ARSJ: variants seen among roughly 807,000 people sequenced by gnomAD.
ARSJ encodes the protein arylsulfatase family member J.
A neutral mutation model predicts 35.9 loss-of-function variants in ARSJ; 26 were observed. That is an observed-to-expected ratio of 0.72 (90% CI 0.53 to 1.00). The LOEUF is 1.00. Ranked by LOEUF, ARSJ falls within the 50% of genes least tolerant of loss-of-function variation. ARSJ has a pLI of 0.00. For synonymous variants in ARSJ, 294 were observed against 267.6 expected, an observed-to-expected ratio of 1.10 and a Z score of -0.96; for missense variants, 667 against 723.6, an observed-to-expected ratio of 0.92 and a Z score of 0.90.
Position 113,978,466 on chromosome 4 carries a change from T to C in ARSJ, c.369A>G (p.Thr123=). The change falls in exon 1 of 2, where the codon ACA becomes ACG. Residue 123 remains threonine (T), a synonymous_variant. Coordinates refer to ENST00000315366, the MANE Select transcript of ARSJ (RefSeq NM_024590.4). ...LENYYVQPIC[T]PSRSQFITGK... Reference sequence around the variant, plus strand: ...CAGTAATAAACTGACTCCTGGATGGTGTGCAAATAGGCTGGACATAGTAGT... The same window carrying C: ...CAGTAATAAACTGACTCCTGGATGGCGTGCAAATAGGCTGGACATAGTAGT... The C allele has an allele frequency of 1.2e-6, 2 of 1,612,936 alleles. No individual in the cohort carries two copies. Among genetic ancestry groups the C allele is most frequent in the Non-Finnish European group, 1.7e-6 (2 of 1,179,406 alleles).
chr4:113,954,643 A>AT (rs895742213), intron 1 of ARSJ, among the ~76,000 whole-genome samples: 22 of 152,012 alleles, frequency 1.4e-4, no homozygotes, highest in Admixed American at 1.1e-3. Flanking sequence ...TTATTATGGC[A>AT]TTTTTTTGAT....
chr4:113,953,572 A>T (rs774066863), intron 1 of ARSJ, among the ~76,000 whole-genome samples: 6 of 152,224 alleles, frequency 3.9e-5, no homozygotes, highest in Admixed American at 1.3e-4. Flanking sequence ...AATTTCCAAT[A>T]GGATTTGAAT....
chr4:113,915,576 C>G (rs1246812874), intron 1 of ARSJ, among the ~76,000 whole-genome samples: 1 of 151,922 alleles, frequency 6.6e-6, no homozygotes, highest in African/African-American at 2.4e-5. Flanking sequence ...TAGAAAAATA[C>G]CCAGAGTTTT....
At chr4:113,964,219 C>G (rs897999761) in intron 1 of ARSJ, among the ~76,000 whole-genome samples, 1 of 152,052 alleles carries the variant, frequency 6.6e-6, no homozygotes, top group Non-Finnish European at 1.5e-5. Flanking sequence ...TGCACACACT[C>G]TGAAACTGAT....
At chr4:113,964,414 C>T (rs1431008148) in intron 1 of ARSJ, among the ~76,000 whole-genome samples, 1 of 152,080 alleles carries the variant, frequency 6.6e-6, no homozygotes, top group African/African-American at 2.4e-5. Flanking sequence ...ATTCAGTTAT[C>T]AGTTGCTTTT....
chr4:113,920,082 G>A lies in ARSJ; in HGVS notation c.399-16407C>T, dbSNP rs538332615. On this transcript the variant is annotated intron_variant, in intron 1 of 1. Transcript: ENST00000315366. The stretch of plus-strand genomic sequence containing the variant: ...AGGGGACAGATTAATATTCCCTCAT[G>A]TATTTGTTGGAGTAGGACCTTAGAG... Among the ~76,000 whole-genome samples, 5 of 152,144 alleles carry A rather than the reference G, an allele frequency of 3.3e-5. No homozygotes were observed. The South Asian group carries it at 1.0e-3, about 32-fold the overall frequency.
intron 1 of ARSJ, among the ~76,000 whole-genome samples, chr4:113,975,629 AC>A (rs1364250608): frequency 6.6e-6 from 1 of 152,146 alleles, no homozygotes; most frequent in African/African-American, 2.4e-5. Context: ...CTACATCACT[AC>A]CCCTCTTAGA....
At chr4:113,953,501 T>C (rs554093724) in intron 1 of ARSJ, among the ~76,000 whole-genome samples, 1 of 152,236 alleles carries the variant, frequency 6.6e-6, no homozygotes, top group Non-Finnish European at 1.5e-5. Context: ...TTATATGTAA[T>C]GGATACAAAC....
chr4:113,921,117 A>ACACACT (rs70961862), intron 1 of ARSJ, among the ~76,000 whole-genome samples: 10,140 of 149,170 alleles, frequency 0.068, 377 homozygotes, highest in East Asian at 0.078. Flanking sequence ...ACACACACAC[A>ACACACT]CTTTAAATAA....
In ARSJ at chr4:113,908,459, A is replaced by G. The variant is rs2099669430; in HGVS notation, c.399-4784T>C. On this transcript the variant is annotated intron_variant, in intron 1 of 1. Coordinates refer to ENST00000315366, the MANE Select transcript of ARSJ (RefSeq NM_024590.4). Reference sequence around the variant, plus strand: ...AACTGGGATAAATAAAAGATATTTTATTTAAAAATCCATTTTTTACACGTC... The same window carrying G: ...AACTGGGATAAATAAAAGATATTTTGTTTAAAAATCCATTTTTTACACGTC... Among the ~76,000 whole-genome samples, 3 of 152,372 alleles carry G rather than the reference A, an allele frequency of 2.0e-5. No individual in the cohort carries two copies. In the South Asian group the frequency reaches 6.2e-4, roughly 32 times the overall value.
intron 1 of ARSJ, 78 bp downstream of exon 1, chr4:113,978,359 C>T: frequency 7.4e-7 from 1 of 1,354,062 alleles, no homozygotes; most frequent in African/African-American, 1.5e-5. Context: ...TCTGTTACTC[C>T]CTTAAATTTG....
At chr4:113,950,951 C>T (rs76095721) in intron 1 of ARSJ, among the ~76,000 whole-genome samples, 5,189 of 151,844 alleles carry the variant, frequency 0.034, 216 homozygotes, top group East Asian at 0.12. Context: ...GCCAACACTG[C>T]CCAAGACTAA....
Position 113,901,977 on chromosome 4 carries a change from G to A in ARSJ, c.*297C>T. 1 of 588,002 alleles carries A rather than the reference G, an allele frequency of 1.7e-6. No homozygotes were observed. The highest frequency in any genetic ancestry group is 2.0e-5 in the South Asian group (1 of 49,458). The allele number at this position is 588,002 out of a possible 1,614,324, so 36.4% of individuals were successfully genotyped here. On this transcript the variant is annotated 3_prime_UTR_variant, in exon 2 of 2. Coordinates refer to ENST00000315366, the MANE Select transcript of ARSJ (RefSeq NM_024590.4). ...CTCCTATAATTCAAAGCAGTGTTTGGTCAGTTGACTGAAGCACAGCAGTGG... is the reference window on the plus strand; with the variant it reads ...CTCCTATAATTCAAAGCAGTGTTTGATCAGTTGACTGAAGCACAGCAGTGG...
chr4:113,914,267 C>T (rs1047312780), intron 1 of ARSJ, among the ~76,000 whole-genome samples: 6 of 152,086 alleles, frequency 3.9e-5, no homozygotes, highest in South Asian at 2.1e-4. Flanking sequence ...CCACCACACC[C>T]GGCCTAAAAC....
chr4:113,967,949 G>A (rs1172721809), intron 1 of ARSJ, among the ~76,000 whole-genome samples: 1 of 152,144 alleles, frequency 6.6e-6, no homozygotes, highest in Non-Finnish European at 1.5e-5. Context: ...CTCCTTCAGA[G>A]CTTTTCACTT....
rs1417792092 is a variant in ARSJ, at chr4:113,978,423, G to C, written c.398+14C>G. 21 of 1,562,614 alleles carry C rather than the reference G, an allele frequency of 1.3e-5. No homozygotes were observed. The highest frequency in any genetic ancestry group is 1.8e-5 in the Non-Finnish European group (21 of 1,155,122). Reference sequence around the variant, plus strand: ...TTTCTCCAAGGAATAAATATAAGAAGTAGGAACACTTACTTTCCAGTAATA... The same window carrying C: ...TTTCTCCAAGGAATAAATATAAGAACTAGGAACACTTACTTTCCAGTAATA... On this transcript the variant is annotated intron_variant, in intron 1 of 1. Coordinates refer to ENST00000315366, the MANE Select transcript of ARSJ (RefSeq NM_024590.4).
intron 1 of ARSJ, among the ~76,000 whole-genome samples, chr4:113,941,535 C>T (rs1725160289): frequency 6.6e-6 from 1 of 151,934 alleles, no homozygotes; most frequent in Admixed American, 6.6e-5. Flanking sequence ...CATTGTAGAA[C>T]ATTTAAGAAC....
chr4:113,902,493 G>A lies in ARSJ; in HGVS notation c.1581C>T (p.Asn527=). 1 of 1,614,132 alleles carries A rather than the reference G, an allele frequency of 6.2e-7. No individual in the cohort carries two copies. The highest frequency in any genetic ancestry group is 8.5e-7 in the Non-Finnish European group (1 of 1,180,030). Residue 527 remains asparagine (N), a synonymous_variant, in exon 2 of 2, where the codon AAC becomes AAT. Transcript: ENST00000315366. ...GATACCTGACCGGCACTGCAGTTTT[G>A]TTGAACTGTGAGAGCCTCCGTAGGA... The part of the protein sequence containing the change: ...KKLLRRLSQF[N]KTAVPVRYPP...
intron 1 of ARSJ, among the ~76,000 whole-genome samples, chr4:113,956,858 C>T (rs17046651): frequency 0.013 from 2,023 of 151,968 alleles, 39 homozygotes; most frequent in African/African-American, 0.046. Context: ...GATGACACGA[C>T]GAGATGTAGT....
Sources: gnomAD v4.1 joint callset for allele counts (sites outside exome capture counted in the v4.1 genomes callset) on GRCh38, gnomAD v4.1.1 for gene constraint, MANE v1.5 for transcripts, NCBI Gene and HGNC (gene_info 2026-07-23, HGNC 2026-07-21) for gene names.